MCTP1: variants seen among roughly 807,000 people sequenced by gnomAD.
The protein encoded by MCTP1 is multiple C2 and transmembrane domain containing 1.
In MCTP1, 69 loss-of-function variants were observed where a neutral mutation model predicts 120.6. The ratio of observed to expected loss-of-function variants is 0.57; its 90% CI spans 0.47 to 0.70. The LOEUF (loss-of-function observed/expected upper bound fraction) is 0.70, where lower values mean the gene tolerates loss of function less well. Among genes scored for constraint, MCTP1 ranks in the 30% least tolerant of loss-of-function variants. The pLI is 0.00. For missense variants in MCTP1, 1,203 were observed against 1,248.8 expected (o/e 0.96, Z 0.55); for synonymous variants, 529 against 493.1 (o/e 1.07, Z -0.96).
At chr5:94,898,349 T>C (rs1402996923) in intron 10 of MCTP1, among the ~76,000 whole-genome samples, 1 of 152,264 alleles carries the variant, frequency 6.6e-6, no homozygotes, top group Non-Finnish European at 1.5e-5. Context: ...CACCTGTAAC[T>C]AAGCAAAGTT....
At chr5:95,212,798 T>A (rs1752550130) in intron 1 of MCTP1, among the ~76,000 whole-genome samples, 1 of 152,132 alleles carries the variant, frequency 6.6e-6, no homozygotes, top group Admixed American at 6.5e-5. Flanking sequence ...AAAAGGCCTT[T>A]GAAAAAATTC....
Position 95,210,206 on chromosome 5 carries a change from C to G in MCTP1, c.720+73650G>C, listed in dbSNP as rs558173094. 1.2e-3 allele frequency among the ~76,000 whole-genome samples: 180 copies of G among 152,260 alleles called. 2 individuals are homozygous for G. Among genetic ancestry groups the G allele is most frequent in the Middle Eastern group, 6.8e-3 (2 of 294 alleles). On this transcript the variant is annotated intron_variant, in intron 1 of 22. Transcript: ENST00000515393. ...TCTATTAGGTCCACTTGGTGCAGAG[C>G]TGAGTAAAATTCCTGGGTATCCTTT...
chr5:94,766,968 A>T (rs528024713), intron 19 of MCTP1, among the ~76,000 whole-genome samples: 27 of 151,688 alleles, frequency 1.8e-4, no homozygotes, highest in Admixed American at 1.2e-3. Context: ...AGGACACAAT[A>T]AAAAAAAATT....
At chr5:95,009,248 T>A (rs1835436049) in intron 2 of MCTP1, among the ~76,000 whole-genome samples, 1 of 152,148 alleles carries the variant, frequency 6.6e-6, no homozygotes, top group African/African-American at 2.4e-5. Context: ...ATATCCGCCA[T>A]GACCCAAATT....
intron 21 of MCTP1, chr5:94,709,949 A>C (rs1267700296): frequency 6.6e-6 from 1 of 152,126 alleles, no homozygotes; most frequent in Non-Finnish European, 1.5e-5. Flanking sequence ...CCTTGAAAAG[A>C]ATTTTGCTTT....
At chr5:95,236,944 TA>T (rs1292450592) in intron 1 of MCTP1, among the ~76,000 whole-genome samples, 4 of 152,348 alleles carry the variant, frequency 2.6e-5, no homozygotes, top group Admixed American at 2.6e-4. Flanking sequence ...AAGTAAGCTT[TA>T]AAATGGCCTT....
intron 1 of MCTP1, among the ~76,000 whole-genome samples, chr5:95,020,809 A>G (rs986370846): frequency 2.0e-5 from 3 of 152,022 alleles, no homozygotes; most frequent in African/African-American, 7.2e-5. Context: ...CTTAGTTCTC[A>G]CCTGGAATTG....
chr5:94,866,820 C>G (rs1581107564), intron 17 of MCTP1, among the ~76,000 whole-genome samples: 1 of 149,788 alleles, frequency 6.7e-6, no homozygotes, highest in African/African-American at 2.5e-5. Flanking sequence ...ACGCGAGTGA[C>G]CTCCAGAAGT....
chr5:95,193,211 C>A (rs1750015880), intron 1 of MCTP1, among the ~76,000 whole-genome samples: 1 of 152,076 alleles, frequency 6.6e-6, no homozygotes, highest in African/African-American at 2.4e-5. Flanking sequence ...CACTTAGAAG[C>A]AAACCTCTCA....
chr5:95,143,955 T>C (rs115313696), intron 1 of MCTP1, among the ~76,000 whole-genome samples: 228 of 152,312 alleles, frequency 1.5e-3, no homozygotes, highest in Non-Finnish European at 2.1e-3. Context: ...GTAGTTCTGT[T>C]TGAAGTTCTT....
chr5:94,838,135 C>T (rs939769716), intron 17 of MCTP1, among the ~76,000 whole-genome samples: 4 of 152,306 alleles, frequency 2.6e-5, no homozygotes, highest in Middle Eastern at 3.4e-3. Context: ...TCTAGAGTTA[C>T]ATTTAGGCCA....
chr5:94,766,011 G>A (rs1224982036), intron 19 of MCTP1, among the ~76,000 whole-genome samples: 2 of 152,248 alleles, frequency 1.3e-5, no homozygotes, highest in South Asian at 2.1e-4. Context: ...TTGGGAGGCC[G>A]AGGAGGGCAG....
intron 18 of MCTP1, among the ~76,000 whole-genome samples, chr5:94,783,486 G>A (rs920660632): frequency 2.0e-5 from 3 of 152,034 alleles, no homozygotes; most frequent in Non-Finnish European, 2.9e-5. Flanking sequence ...GACTGGAAAT[G>A]TTAATAGTGA....
chr5:94,930,267 ATTT>A (rs869306266), intron 6 of MCTP1, among the ~76,000 whole-genome samples: 1,105 of 100,874 alleles, frequency 0.011, 9 homozygotes, highest in African/African-American at 0.036. Flanking sequence ...TTAAAGAAGA[ATTT>A]TTTTTTTTTT....
At chr5:95,188,428 A>G (rs1749466494) in intron 1 of MCTP1, among the ~76,000 whole-genome samples, 1 of 152,168 alleles carries the variant, frequency 6.6e-6, no homozygotes, top group African/African-American at 2.4e-5. Flanking sequence ...AGCAATGAAA[A>G]CTTATCTTTA....
intron 2 of MCTP1, among the ~76,000 whole-genome samples, chr5:94,989,503 T>A (rs1260198158): frequency 6.6e-6 from 1 of 152,168 alleles, no homozygotes; most frequent in Non-Finnish European, 1.5e-5. Flanking sequence ...GCTTTTAAAA[T>A]CCTTGTAATT....
chr5:95,270,683 A>G (rs1164943147), intron 1 of MCTP1, among the ~76,000 whole-genome samples: 1 of 152,122 alleles, frequency 6.6e-6, no homozygotes, highest in Non-Finnish European at 1.5e-5. Flanking sequence ...TAATCCCAGT[A>G]CTTTGGGAGG....
intron 2 of MCTP1, among the ~76,000 whole-genome samples, chr5:95,010,617 C>T (rs1373247143): frequency 6.6e-6 from 1 of 152,030 alleles, no homozygotes; most frequent in Non-Finnish European, 1.5e-5. Flanking sequence ...TCGCTAATGC[C>T]AGGCAAGTAA....
intron 8 of MCTP1, among the ~76,000 whole-genome samples, chr5:94,916,068 T>A (rs1809982652): frequency 6.6e-6 from 1 of 152,190 alleles, no homozygotes; most frequent in Non-Finnish European, 1.5e-5. Context: ...TAAGTGATGT[T>A]TTCTTCTTCA....
Sources: allele counts gnomAD v4.1 joint callset (sites outside exome capture counted in the v4.1 genomes callset), GRCh38; gene constraint gnomAD v4.1.1; transcripts MANE v1.5; gene names NCBI Gene and HGNC (gene_info 2026-07-23, HGNC 2026-07-21).